TMEM108: variants seen among roughly 807,000 people sequenced by gnomAD.
TMEM108 encodes transmembrane protein 108.
A neutral mutation model predicts 35.1 loss-of-function variants in TMEM108; 12 were observed. The observed-to-expected ratio is 0.34, with a 90% confidence interval of 0.22 to 0.55. The LOEUF is 0.55. Among genes scored for constraint, TMEM108 ranks in the 20% least tolerant of loss-of-function variants. The pLI, the probability that TMEM108 is intolerant of heterozygous loss-of-function variation, is 0.89. For synonymous variants in TMEM108, 287 were observed against 308.6 expected (o/e 0.93, Z 0.73); for missense variants, 680 against 753.3 (o/e 0.90, Z 1.14).
chr3:133,076,862 TC>T (rs2107693859), intron 2 of TMEM108, among the ~76,000 whole-genome samples: 2 of 152,294 alleles, frequency 1.3e-5, no homozygotes, highest in South Asian at 4.1e-4. Context: ...CAAGCTTAGG[TC>T]ACATACGGGG....
At chr3:133,165,885 T>C (rs1271498319) in intron 2 of TMEM108, among the ~76,000 whole-genome samples, 1 of 152,222 alleles carries the variant, frequency 6.6e-6, no homozygotes, top group South Asian at 2.1e-4. Context: ...ACTTAACATT[T>C]AAATATATTA....
chr3:133,132,910 AG>A (rs1944509745), intron 2 of TMEM108, among the ~76,000 whole-genome samples: 1 of 152,184 alleles, frequency 6.6e-6, no homozygotes, highest in South Asian at 2.1e-4. Context: ...GAAGAGTTTA[AG>A]ACTTCAGTGG....
Position 133,380,515 on chromosome 3 carries a change from C to T in TMEM108, c.804C>T (p.Thr268=), listed in dbSNP as rs1426404604. The change falls in exon 4 of 6, where the codon ACC becomes ACT. Residue 268 remains threonine, a synonymous_variant. Coordinates refer to ENST00000321871, the MANE Select transcript of TMEM108 (RefSeq NM_023943.4). This position sits in a 1 kb window ranked among gnomAD's most constrained non-coding sequence, Gnocchi z 5.3. ...VPSNTSWAPT[T]TSLGPAKDKP... is the part of the protein sequence containing the mutation. ...GCAATACCTCATGGGCACCCACCAC[C>T]ACCTCCCTGGGGCCTGCAAAGGACA... 2 of 1,613,938 alleles carry T rather than the reference C, an allele frequency of 1.2e-6. No homozygotes were observed. The highest frequency in any genetic ancestry group is 2.2e-5 in the East Asian group (1 of 44,878).
chr3:133,389,018 TCTC>T (rs1206983933), intron 4 of TMEM108: 2 of 985,518 alleles, frequency 2.0e-6, no homozygotes, highest in Non-Finnish European at 2.4e-6. Context: ...TGGCTTCAGC[TCTC>T]CTCATCCCCA....
At chr3:133,080,094 A>G (rs571693475) in intron 2 of TMEM108, among the ~76,000 whole-genome samples, 6 of 152,280 alleles carry the variant, frequency 3.9e-5, no homozygotes, top group Non-Finnish European at 5.9e-5. Context: ...ATAGTGCTGT[A>G]TGCTAAAGTG....
At chr3:133,181,545 C>T (rs1031645964) in intron 2 of TMEM108, among the ~76,000 whole-genome samples, 23 of 152,100 alleles carry the variant, frequency 1.5e-4, no homozygotes, top group Non-Finnish European at 3.1e-4. Flanking sequence ...TAAGGTTTCC[C>T]TTCCCACAGC....
chr3:133,357,230 A>G (rs1474152331), intron 3 of TMEM108, among the ~76,000 whole-genome samples: 2 of 152,258 alleles, frequency 1.3e-5, no homozygotes, highest in Non-Finnish European at 2.9e-5. Context: ...CCGCAGTGAG[A>G]TGCCACCTTA....
chr3:133,159,364 A>G (rs537248816), intron 2 of TMEM108, among the ~76,000 whole-genome samples: 1 of 152,300 alleles, frequency 6.6e-6, no homozygotes, highest in South Asian at 2.1e-4. Context: ...TACATCTGTC[A>G]TCTGTGCATT....
At chr3:133,394,607 C>A (rs1315094339) in intron 5 of TMEM108, among the ~76,000 whole-genome samples, 1 of 152,212 alleles carries the variant, frequency 6.6e-6, no homozygotes, top group Non-Finnish European at 1.5e-5. Context: ...ACAAGCCAAG[C>A]TCAGCCTCCA....
intron 2 of TMEM108, among the ~76,000 whole-genome samples, chr3:133,104,350 C>T (rs1397711522): frequency 6.6e-6 from 1 of 152,154 alleles, no homozygotes; most frequent in East Asian, 1.9e-4. Flanking sequence ...CAAAATAGAG[C>T]TTTATTTGTC....
At chr3:133,197,338 A>G (rs1225131919) in intron 2 of TMEM108, among the ~76,000 whole-genome samples, 1 of 152,190 alleles carries the variant, frequency 6.6e-6, no homozygotes, top group Non-Finnish European at 1.5e-5. Context: ...AGTTATGAGC[A>G]GGCGGTTTAT....
chr3:133,318,931 A>AAAAAAAAC (rs1553760511), intron 3 of TMEM108, among the ~76,000 whole-genome samples: 2 of 150,792 alleles, frequency 1.3e-5, no homozygotes, highest in East Asian at 2.0e-4. Flanking sequence ...AAAAAAAAAA[A>AAAAAAAAC]CTCAGGGGAA....
chr3:133,139,372 C>A (rs1200702640), intron 2 of TMEM108, among the ~76,000 whole-genome samples: 1 of 152,148 alleles, frequency 6.6e-6, no homozygotes. Context: ...AAAAAAACAA[C>A]CTCTGTTGAT....
At chr3:133,258,212 T>C (rs1946575251) in intron 3 of TMEM108, among the ~76,000 whole-genome samples, 1 of 152,208 alleles carries the variant, frequency 6.6e-6, no homozygotes, top group Admixed American at 6.5e-5. Context: ...TGAGAAGGTA[T>C]GGTCTATGAA....
At chr3:133,331,770 G>A (rs2071396259) in intron 3 of TMEM108, among the ~76,000 whole-genome samples, 3 of 152,188 alleles carry the variant, frequency 2.0e-5, no homozygotes, top group Admixed American at 1.3e-4. Flanking sequence ...AATCTTATTA[G>A]TACTTGTCAG....
intron 2 of TMEM108, among the ~76,000 whole-genome samples, chr3:133,064,859 T>G (rs1270436439): frequency 3.3e-5 from 5 of 152,152 alleles, no homozygotes; most frequent in Non-Finnish European, 7.4e-5. Flanking sequence ...ACTTATGCAG[T>G]ATGTAAATAA....
chr3:133,057,431 G>GTGTA (rs1418012131), intron 2 of TMEM108, among the ~76,000 whole-genome samples: 5 of 42,422 alleles, frequency 1.2e-4, no homozygotes, highest in African/African-American at 4.5e-4. Context: ...TTGTGTGTGT[G>GTGTA]TGTGTATATA....
At chr3:133,327,514 G>C (rs2071345910) in intron 3 of TMEM108, among the ~76,000 whole-genome samples, 1 of 152,166 alleles carries the variant, frequency 6.6e-6, no homozygotes, top group Non-Finnish European at 1.5e-5. Context: ...CCTGAATAGT[G>C]ATAGGAGCCC....
chr3:133,218,741 G>A (rs913261161), intron 2 of TMEM108, among the ~76,000 whole-genome samples: 15 of 151,962 alleles, frequency 9.9e-5, no homozygotes, highest in Admixed American at 6.6e-4. Context: ...ACTTAATCTT[G>A]GTGAATAATC....
Sources: allele counts gnomAD v4.1 joint callset (sites outside exome capture counted in the v4.1 genomes callset), GRCh38; gene constraint gnomAD v4.1.1; non-coding constraint Gnocchi (gnomAD v3.1); transcripts MANE v1.5; gene names NCBI Gene and HGNC (gene_info 2026-07-23, HGNC 2026-07-21).